The following PRDM16 variants were observed in gnomAD, a reference collection of about 807,000 sequenced individuals.
PRDM16 encodes histone-lysine N-methyltransferase PRDM16.
In PRDM16, 23 loss-of-function variants were observed where a neutral mutation model predicts 110.6. That is an observed-to-expected ratio of 0.21 (90% CI 0.15 to 0.29). The LOEUF (loss-of-function observed/expected upper bound fraction) is 0.29. Ranked by LOEUF, PRDM16 falls within the 10% of genes least tolerant of loss-of-function variation. The pLI is 1.00. For missense variants in PRDM16, 1,615 were observed against 1,794.3 expected, an observed-to-expected ratio of 0.90 and a Z score of 1.81; for synonymous variants, 799 against 781.8, an observed-to-expected ratio of 1.02 and a Z score of -0.37.
At chr1:3,270,461 TC>T (rs1336499364) in intron 3 of PRDM16, among the ~76,000 whole-genome samples, 2 of 143,082 alleles carry the variant, frequency 1.4e-5, no homozygotes, top group Admixed American at 1.4e-4. Flanking sequence ...AGGAGGACAG[TC>T]GGCGAGGAGG....
Position 3,201,244 on chromosome 1 carries a change from G to C in PRDM16, c.387+14770G>C, listed in dbSNP as rs937178008. Among the ~76,000 whole-genome samples the C allele has an allele frequency of 2.6e-5, 4 of 152,042 alleles. No individual in the cohort carries two copies. The highest frequency in any genetic ancestry group is 4.4e-5 in the Non-Finnish European group (3 of 68,006). ...TTCATATGATCATAGGAGCTGGGGGGCTGGAGACAAATGTATTTCTCTTGC... is the reference window on the plus strand; with the variant it reads ...TTCATATGATCATAGGAGCTGGGGGCCTGGAGACAAATGTATTTCTCTTGC... On this transcript the variant is annotated intron_variant, in intron 2 of 16. Coordinates refer to ENST00000270722, the MANE Select transcript of PRDM16 (RefSeq NM_022114.4). This position sits in a 1 kb window ranked among gnomAD's most constrained non-coding sequence, Gnocchi z 4.1.
In PRDM16 at chr1:3,143,878, G is replaced by A. The variant is rs527997196; in HGVS notation, c.38-42247G>A. Among the ~76,000 whole-genome samples, 9 of 152,318 alleles carry A rather than the reference G, an allele frequency of 5.9e-5. 1 individual carries two copies. The South Asian group carries it at 1.9e-3, about 32-fold the overall frequency. ...TGAGGCCCTGTCTGTGGATGGAGGA[G>A]GAGGGACTGGCAAGCTTGGGGTTCC... is the stretch of plus-strand genomic sequence containing the variant. On this transcript the variant is annotated intron_variant, in intron 1 of 16. Transcript: ENST00000270722. The surrounding 1 kb of genome is among the most constrained non-coding windows in gnomAD (Gnocchi z 4.5).
chr1:3,352,701 A>G (rs1424486171), intron 3 of PRDM16, among the ~76,000 whole-genome samples: 1 of 152,208 alleles, frequency 6.6e-6, no homozygotes, highest in African/African-American at 2.4e-5. Flanking sequence ...TCAGGCCCTA[A>G]ATACACCCAC....
At chr1:3,408,827 G>T (rs1643612464) in intron 8 of PRDM16, among the ~76,000 whole-genome samples, 1 of 136,240 alleles carries the variant, frequency 7.3e-6, no homozygotes, top group Non-Finnish European at 1.5e-5. Flanking sequence ...CGCGTGAGCT[G>T]GTGCGTGTGT....
chr1:3,096,310 C>T (rs1557442758), intron 1 of PRDM16, among the ~76,000 whole-genome samples: 1 of 152,178 alleles, frequency 6.6e-6, no homozygotes. Context: ...TCCTCTCTAG[C>T]CCCAGAACCC....
At position 3,299,960 on chromosome 1, in the gene PRDM16, A is replaced by G. The variant is rs1459247736; in HGVS notation, c.438+55823A>G. ...TGACTCTGCCCTTGTTGAAGATGCT[A>G]TGCTGTGGCCGTGATGTTTCAGATC... On this transcript the variant is annotated intron_variant, in intron 3 of 16. Coordinates refer to ENST00000270722, the MANE Select transcript of PRDM16 (RefSeq NM_022114.4). 5.6e-5 allele frequency among the ~76,000 whole-genome samples: 5 copies of G among 89,244 alleles called. 1 individual carries two copies. Among genetic ancestry groups the G allele is most frequent in the South Asian group, 4.6e-4 (1 of 2,162 alleles). The allele number at this position is 89,244 out of a possible 152,430, so 58.5% of individuals were successfully genotyped here.
intron 1 of PRDM16, among the ~76,000 whole-genome samples, chr1:3,156,683 A>C (rs1569711530): frequency 6.6e-6 from 1 of 152,136 alleles, no homozygotes; most frequent in South Asian, 2.1e-4. Context: ...AGAAGGTTGG[A>C]CCCGTTCAGA....
chr1:3,349,696 C>T (rs574619632), intron 3 of PRDM16, among the ~76,000 whole-genome samples: 72 of 152,318 alleles, frequency 4.7e-4, no homozygotes, highest in African/African-American at 1.7e-3. Flanking sequence ...CCTCCCACTC[C>T]AATGCACCCC....
chr1:3,218,432 G>A (rs1278398582), intron 2 of PRDM16, among the ~76,000 whole-genome samples: 5 of 152,192 alleles, frequency 3.3e-5, no homozygotes, highest in African/African-American at 1.2e-4. Flanking sequence ...GGCCACCTCG[G>A]TGTGCGGGAA....
chr1:3,276,746 C>T (rs1640594662), intron 3 of PRDM16, among the ~76,000 whole-genome samples: 1 of 9,268 alleles, frequency 1.1e-4, no homozygotes, highest in African/African-American at 7.0e-4. Context: ...ACGGTTTCCC[C>T]TTTCTCCCTG....
intron 2 of PRDM16, among the ~76,000 whole-genome samples, chr1:3,232,844 A>G (rs2817159): frequency 0.39 from 58,957 of 152,080 alleles, 17,388 homozygotes; most frequent in African/African-American, 0.81. Flanking sequence ...AGATTCTCCC[A>G]CCCAGTCCTG....
chr1:3,139,980 G>A (rs542263403), intron 1 of PRDM16, among the ~76,000 whole-genome samples: 30 of 152,386 alleles, frequency 2.0e-4, no homozygotes, highest in Admixed American at 6.5e-4. Flanking sequence ...GACAAACACG[G>A]CAGGCTGGAG....
chr1:3,328,693 C>T (rs1057285366), intron 3 of PRDM16, among the ~76,000 whole-genome samples: 34 of 152,152 alleles, frequency 2.2e-4, no homozygotes, highest in African/African-American at 8.2e-4. Context: ...AGGAGACCCC[C>T]CAGGGCTCCA....
rs898597893 is a variant in PRDM16 at position 3,217,036 on chromosome 1, A to G, written c.388-27051A>G. Among the ~76,000 whole-genome samples the G allele has an allele frequency of 2.1e-4, 32 of 152,256 alleles. 1 individual carries two copies. The highest frequency in any genetic ancestry group is 7.5e-4 in the African/African-American group (31 of 41,474). ...TCCAAATGTTGCAGGGCAGCAGGGG[A>G]AACGGCACCCTCTGTGTGGATAGAA... is the stretch of plus-strand genomic sequence containing the variant. On this transcript the variant is annotated intron_variant, in intron 2 of 16. Coordinates refer to ENST00000270722, the MANE Select transcript of PRDM16 (RefSeq NM_022114.4).
At chr1:3,418,116 C>A in intron 11 of PRDM16, 119 bp downstream of exon 11, 1 of 807,092 alleles carries the variant, frequency 1.2e-6, no homozygotes, top group Non-Finnish European at 2.0e-6. Context: ...AAGCACAGCA[C>A]TGCAATCAGC....
chr1:3,153,598 A>G (rs927010203), intron 1 of PRDM16, among the ~76,000 whole-genome samples: 1 of 152,210 alleles, frequency 6.6e-6, no homozygotes, highest in Non-Finnish European at 1.5e-5. Flanking sequence ...CGCTGGCAAC[A>G]GTTTCTCTCG....
chr1:3,224,188 T>G (rs571592365), intron 2 of PRDM16, among the ~76,000 whole-genome samples: 19 of 152,294 alleles, frequency 1.2e-4, no homozygotes, highest in African/African-American at 4.3e-4. Context: ...AGGGCCGTGA[T>G]GAATACCAAA....
intron 3 of PRDM16, among the ~76,000 whole-genome samples, chr1:3,264,973 G>A (rs1640253479): frequency 6.6e-6 from 1 of 152,044 alleles, no homozygotes; most frequent in Non-Finnish European, 1.5e-5. Flanking sequence ...GGAGGCGGTG[G>A]ATATCAGAGG....
rs527879484 is a variant in PRDM16, at chr1:3,321,288, G to A, written c.439-63864G>A. Among the ~76,000 whole-genome samples, 58 of 152,234 alleles carry A rather than the reference G, an allele frequency of 3.8e-4. 1 individual carries two copies. The South Asian group carries it at 0.012, about 32-fold the overall frequency. The stretch of plus-strand genomic sequence containing the variant: ...TATTTATGTGTATGTGAGTGTGGCA[G>A]TACACATATGTGAGTGTGTCCATTT... On this transcript the variant is annotated intron_variant, in intron 3 of 16. Coordinates refer to ENST00000270722, the MANE Select transcript of PRDM16 (RefSeq NM_022114.4).
Sources: gnomAD v4.1 joint callset for allele counts (sites outside exome capture counted in the v4.1 genomes callset) on GRCh38, gnomAD v4.1.1 for gene constraint, Gnocchi (gnomAD v3.1) non-coding constraint, MANE v1.5 for transcripts, NCBI Gene and HGNC (gene_info 2026-07-23, HGNC 2026-07-21) for gene names.